The following RIC8B variants were observed in gnomAD, a reference collection of about 807,000 sequenced individuals.
The protein encoded by RIC8B is chaperone Ric-8B.
A neutral mutation model predicts 57.5 loss-of-function variants in RIC8B; 16 were observed. The ratio of observed to expected loss-of-function variants is 0.28; its 90% CI spans 0.19 to 0.42. The LOEUF is 0.42. Ranked by LOEUF, RIC8B falls within the 10% of genes least tolerant of loss-of-function variation. The pLI, the probability that RIC8B is intolerant of heterozygous loss-of-function variation, is 1.00. For synonymous variants in RIC8B, 216 were observed against 250.8 expected, an observed-to-expected ratio of 0.86 and a Z score of 1.31; for missense variants, 481 against 677.0, an observed-to-expected ratio of 0.71 and a Z score of 3.21.
intron 2 of RIC8B, among the ~76,000 whole-genome samples, chr12:106,798,260 A>G (rs2044576189): frequency 6.6e-6 from 1 of 152,272 alleles, no homozygotes; most frequent in South Asian, 2.1e-4. Context: ...AGCAAAGTGC[A>G]GAAATTTGTA....
In RIC8B at chr12:106,815,030, T is replaced by C. The variant is rs1317998375; in HGVS notation, c.467T>C (p.Phe156Ser). ...CTGAGAAAGTGCAAGGACCGGAAATTTATCAATGACATTAAGTGCTTTGAC... is the reference window on the plus strand; with the variant it reads ...CTGAGAAAGTGCAAGGACCGGAAATCTATCAATGACATTAAGTGCTTTGAC... ...NLLRKCKDRK[F>S]INDIKCFDLR... The change falls in exon 3 of 10, where the codon TTT becomes TCT. Residue 156 changes from phenylalanine (F) to serine (S), a missense_variant. Around this residue, in one of 3 missense-constraint regions of RIC8B, gnomAD observed 421 missense variants for 560.9 expected, o/e 0.75. Coordinates refer to ENST00000392837, the MANE Select transcript of RIC8B (RefSeq NM_001330145.2). The C allele has an allele frequency of 1.4e-5, 22 of 1,614,084 alleles. No individual in the cohort carries two copies. The highest frequency in any genetic ancestry group is 1.9e-5 in the Non-Finnish European group (22 of 1,180,046).
At chr12:106,803,234 A>G (rs1485927619) in intron 2 of RIC8B, among the ~76,000 whole-genome samples, 2 of 151,536 alleles carry the variant, frequency 1.3e-5, no homozygotes, top group Admixed American at 1.3e-4. Flanking sequence ...AAAAAAAAAA[A>G]AAAAGCAAGT....
intron 3 of RIC8B, among the ~76,000 whole-genome samples, chr12:106,817,249 T>C (rs960503672): frequency 6.6e-6 from 1 of 150,718 alleles, no homozygotes; most frequent in Non-Finnish European, 1.5e-5. Flanking sequence ...GAAACTTCAG[T>C]TTTTTTAGGT....
At chr12:106,811,969 GTTTCTA>G (rs1252140726) in intron 2 of RIC8B, among the ~76,000 whole-genome samples, 1 of 152,024 alleles carries the variant, frequency 6.6e-6, no homozygotes, top group Non-Finnish European at 1.5e-5. Context: ...ACTTTTATTT[GTTTCTA>G]ATAATATTCT....
intron 9 of RIC8B, 148 bp downstream of exon 9, chr12:106,871,090 C>G (rs1394951628): frequency 1.6e-6 from 1 of 616,300 alleles, no homozygotes; most frequent in African/African-American, 1.8e-5. Flanking sequence ...TCAGATAGCT[C>G]TTGGCTACCA....
chr12:106,842,486 T>G (rs1948994517), intron 4 of RIC8B, 103 bp from the exon 5 acceptor site: 1 of 874,778 alleles, frequency 1.1e-6, no homozygotes, highest in African/African-American at 1.7e-5. Context: ...AAGAAATATT[T>G]TAATTGACTC....
rs11831504 is a variant in RIC8B at position 106,854,957 on chromosome 12, A to G, written c.1306+3363A>G. 3.6e-3 allele frequency among the ~76,000 whole-genome samples: 549 copies of G among 152,304 alleles called. 4 individuals are homozygous for G. Among genetic ancestry groups the G allele is most frequent in the African/African-American group, 0.013 (526 of 41,568 alleles). ...TGTACTCATGCCATTAACTTGTTCAATTGAGCCTGAACATGACTATTTTTA... is the reference window on the plus strand; with the variant it reads ...TGTACTCATGCCATTAACTTGTTCAGTTGAGCCTGAACATGACTATTTTTA... On this transcript the variant is annotated intron_variant, in intron 7 of 9. Transcript: ENST00000392837.
intron 2 of RIC8B, among the ~76,000 whole-genome samples, chr12:106,810,657 A>G (rs1324237324): frequency 6.6e-6 from 1 of 150,988 alleles, no homozygotes; most frequent in Non-Finnish European, 1.5e-5. Context: ...GGCTGTAAAA[A>G]AGCAAAGAAG....
intron 2 of RIC8B, among the ~76,000 whole-genome samples, chr12:106,786,806 C>G (rs554710684): frequency 8.2e-4 from 124 of 150,524 alleles, no homozygotes; most frequent in Non-Finnish European, 1.6e-3. Context: ...AAAAAAAAAG[C>G]AAGGTGTTAA....
chr12:106,847,955 T>C (rs1949282522), intron 6 of RIC8B, among the ~76,000 whole-genome samples: 2 of 152,296 alleles, frequency 1.3e-5, no homozygotes, highest in South Asian at 4.1e-4. Flanking sequence ...CCAGTGGAAC[T>C]TGGTCTTGTG....
At chr12:106,880,866 C>T (rs186525657) in intron 9 of RIC8B, among the ~76,000 whole-genome samples, 388 of 152,130 alleles carry the variant, frequency 2.6e-3, no homozygotes, top group Non-Finnish European at 4.1e-3. Context: ...AAGCATTATA[C>T]AGAATTTCCT....
At chr12:106,877,168 G>T (rs1400688785) in intron 9 of RIC8B, among the ~76,000 whole-genome samples, 1 of 151,894 alleles carries the variant, frequency 6.6e-6, no homozygotes, top group Non-Finnish European at 1.5e-5. Context: ...GTGCTTTAAG[G>T]TATAAAAAAT....
At chr12:106,809,987 G>A (rs1445038731) in intron 2 of RIC8B, among the ~76,000 whole-genome samples, 1 of 151,434 alleles carries the variant, frequency 6.6e-6, no homozygotes, top group Non-Finnish European at 1.5e-5. Context: ...CCACCACAAA[G>A]CCACTTCTAC....
At chr12:106,810,278 T>A (rs2045278237) in intron 2 of RIC8B, among the ~76,000 whole-genome samples, 1 of 142,920 alleles carries the variant, frequency 7.0e-6, no homozygotes, top group African/African-American at 2.6e-5. Flanking sequence ...AGTGTCTAAA[T>A]CATACAGCTG....
intron 7 of RIC8B, among the ~76,000 whole-genome samples, chr12:106,853,941 G>C (rs1949604427): frequency 6.6e-6 from 1 of 152,148 alleles, no homozygotes; most frequent in Non-Finnish European, 1.5e-5. Context: ...AAGGGTCACA[G>C]ACTCAAATGC....
chr12:106,815,201 A>G lies in RIC8B; in HGVS notation c.638A>G (p.Asp213Gly). 6.2e-7 allele frequency: 1 copy of G among 1,614,188 alleles called. No individual in the cohort carries two copies. Among genetic ancestry groups the G allele is most frequent in the Non-Finnish European group, 8.5e-7 (1 of 1,180,024 alleles). ...KWTDEYESAI[D>G]HNGPPLSPQE... The stretch of plus-strand genomic sequence containing the variant: ...ACCGATGAGTATGAATCGGCCATAG[A>G]CCATAATGGACCTCCTCTCTCACCT... The change falls in exon 3 of 10, where the codon GAC becomes GGC. Residue 213 changes from aspartate (D) to glycine (G), a missense_variant. Physicochemically the swap from Asp to Gly is moderately conservative, Grantham distance 94. Around this residue, in one of 3 missense-constraint regions of RIC8B, gnomAD observed 421 missense variants for 560.9 expected, o/e 0.75. Transcript: ENST00000392837.
Position 106,814,709 on chromosome 12 carries a change from G to C in RIC8B, c.146G>C (p.Gly49Ala), listed in dbSNP as rs776392294. Residue 49 changes from glycine (G) to alanine (A), a missense_variant, in exon 3 of 10, where the codon GGC becomes GCC. Physicochemically the swap from Gly to Ala is moderately conservative, Grantham distance 60 (BLOSUM62 0). Transcript: ENST00000392837. ...CTTGTTTTTCAGAAACTCTGTGAAG[G>C]CATATTTAAAGTCCTTATAAAGGAC... is the stretch of plus-strand genomic sequence containing the variant. ...DEDKRKKLCE[G>A]IFKVLIKDIP... The C allele has an allele frequency of 6.3e-7, 1 of 1,593,730 alleles. No homozygotes were observed. The highest frequency in any genetic ancestry group is 1.1e-5 in the South Asian group (1 of 87,402).
intron 4 of RIC8B, among the ~76,000 whole-genome samples, chr12:106,826,021 T>C (rs1205451437): frequency 6.6e-6 from 1 of 152,222 alleles, no homozygotes; most frequent in African/African-American, 2.4e-5. Context: ...TTTCACTTTG[T>C]TATATTGAGG....
intron 2 of RIC8B, among the ~76,000 whole-genome samples, chr12:106,812,237 G>A (rs2045366841): frequency 6.6e-6 from 1 of 152,072 alleles, no homozygotes; most frequent in African/African-American, 2.4e-5. Context: ...GTCTTTGCTT[G>A]CTGGATGATC....
Sources: allele counts gnomAD v4.1 joint callset (sites outside exome capture counted in the v4.1 genomes callset), GRCh38; gene constraint gnomAD v4.1.1; regional missense constraint gnomAD v4.1.1; transcripts MANE v1.5; gene names NCBI Gene and HGNC (gene_info 2026-07-23, HGNC 2026-07-21).